The following PDZRN3 variants were observed in gnomAD, a reference collection of about 807,000 sequenced individuals.
PDZRN3 encodes PDZ domain containing ring finger 3.
PDZRN3 carries 38 observed loss-of-function variants against 85.7 expected under a neutral mutation model. The ratio of observed to expected loss-of-function variants is 0.44; its 90% confidence interval spans 0.34 to 0.58. PDZRN3 has a LOEUF of 0.58. PDZRN3 is among the 20% of genes least tolerant of loss of function. The probability of loss-of-function intolerance (pLI) is 0.01; values close to 1 mark genes in which losing one functional copy is unlikely to be tolerated. For synonymous variants in PDZRN3, 759 were observed against 638.0 expected, an observed-to-expected ratio of 1.19 and a Z score of -2.86; for missense variants, 1,629 against 1,506.4, an observed-to-expected ratio of 1.08 and a Z score of -1.35.
At chr3:73,499,003 G>T (rs975441907) in intron 3 of PDZRN3, among the ~76,000 whole-genome samples, 1 of 152,140 alleles carries the variant, frequency 6.6e-6, no homozygotes, top group Non-Finnish European at 1.5e-5. Flanking sequence ...CCCAGCATAG[G>T]CAGAAACCAG....
intron 3 of PDZRN3, among the ~76,000 whole-genome samples, chr3:73,464,287 G>C: frequency 6.6e-6 from 1 of 152,034 alleles, no homozygotes; most frequent in East Asian, 1.9e-4. Flanking sequence ...GCCTGGCCCT[G>C]TGTATTCTTT....
chr3:73,484,416 A>AG (rs1309100795), intron 3 of PDZRN3, among the ~76,000 whole-genome samples: 1 of 151,900 alleles, frequency 6.6e-6, no homozygotes, highest in African/African-American at 2.4e-5. Flanking sequence ...TTTCCAATGG[A>AG]GGGGGGTGGT....
intron 3 of PDZRN3, among the ~76,000 whole-genome samples, chr3:73,566,754 A>C (rs1019554626): frequency 6.6e-6 from 1 of 152,210 alleles, no homozygotes; most frequent in African/African-American, 2.4e-5. Context: ...AGCCTGTTCT[A>C]GAGCTTCTTG....
chr3:73,504,529 C>T (rs1341877900), intron 3 of PDZRN3, among the ~76,000 whole-genome samples: 1 of 152,182 alleles, frequency 6.6e-6, no homozygotes, highest in Non-Finnish European at 1.5e-5. Flanking sequence ...CACCAGTGGA[C>T]TCAATTCGGC....
chr3:73,488,896 T>G (rs868247811), intron 3 of PDZRN3, among the ~76,000 whole-genome samples: 1 of 152,242 alleles, frequency 6.6e-6, no homozygotes, highest in Non-Finnish European at 1.5e-5. Context: ...CTGATTTCCA[T>G]CCTTGGTGGG....
intron 3 of PDZRN3, among the ~76,000 whole-genome samples, chr3:73,598,651 A>G (rs1169037718): frequency 2.6e-5 from 4 of 152,196 alleles, no homozygotes; most frequent in African/African-American, 9.6e-5. Flanking sequence ...CTGGAAGGGC[A>G]CTTCATCTAA....
At chr3:73,495,136 A>T (rs1472056355) in intron 3 of PDZRN3, among the ~76,000 whole-genome samples, 2 of 152,210 alleles carry the variant, frequency 1.3e-5, no homozygotes, top group Admixed American at 1.3e-4. Flanking sequence ...TGCCCATGTA[A>T]CAATCACTTT....
intron 3 of PDZRN3, among the ~76,000 whole-genome samples, chr3:73,440,500 G>A (rs148249659): frequency 1.8e-4 from 28 of 152,324 alleles, no homozygotes; most frequent in African/African-American, 6.7e-4. Context: ...CCCAAGCTGA[G>A]GGGCCTGAGG....
intron 3 of PDZRN3, among the ~76,000 whole-genome samples, chr3:73,450,950 C>T (rs796785985): frequency 2.4e-4 from 37 of 152,008 alleles, no homozygotes; most frequent in African/African-American, 8.4e-4. Flanking sequence ...AAAGCTGGCA[C>T]ATCTCAAATT....
At chr3:73,410,472 A>C (rs1414129002) in intron 3 of PDZRN3, among the ~76,000 whole-genome samples, 1 of 152,202 alleles carries the variant, frequency 6.6e-6, no homozygotes, top group Non-Finnish European at 1.5e-5. Flanking sequence ...CAGTTTGTCC[A>C]TGGTATTTTC....
chr3:73,457,741 C>T (rs1703015704), intron 3 of PDZRN3, among the ~76,000 whole-genome samples: 1 of 152,108 alleles, frequency 6.6e-6, no homozygotes, highest in Non-Finnish European at 1.5e-5. Flanking sequence ...GATTCTGAGA[C>T]CTCAACGAAT....
chr3:73,603,703 T>C (rs1185600561), intron 2 of PDZRN3, among the ~76,000 whole-genome samples: 1 of 152,114 alleles, frequency 6.6e-6, no homozygotes, highest in Non-Finnish European at 1.5e-5. Flanking sequence ...ATTTTCCACT[T>C]TAAACAGCAA....
chr3:73,590,789 T>C (rs1021112009), intron 3 of PDZRN3, among the ~76,000 whole-genome samples: 2 of 152,218 alleles, frequency 1.3e-5, no homozygotes, highest in African/African-American at 2.4e-5. Context: ...TACAAGCACA[T>C]TGACTTTTTC....
rs1702237642 is a variant in PDZRN3, at chr3:73,583,959, T to A, written c.918+18395A>T. Reference sequence around the variant, plus strand: ...ATTAAATGAAAATGGCATTTTAGTTTCCTTAAATAAGGTCTAAATGATGTC... The same window carrying A: ...ATTAAATGAAAATGGCATTTTAGTTACCTTAAATAAGGTCTAAATGATGTC... On this transcript the variant is annotated intron_variant, in intron 3 of 9. Coordinates refer to ENST00000263666, the MANE Select transcript of PDZRN3 (RefSeq NM_015009.3). Among the ~76,000 whole-genome samples the A allele has an allele frequency of 2.0e-5, 3 of 152,170 alleles. No individual in the cohort carries two copies. The South Asian group carries it at 6.2e-4, about 32-fold the overall frequency.
intron 3 of PDZRN3, among the ~76,000 whole-genome samples, chr3:73,491,019 T>G (rs988771120): frequency 5.3e-5 from 8 of 152,094 alleles, no homozygotes; most frequent in South Asian, 2.1e-4. Context: ...AAGTTCAGGG[T>G]CAGTTCAGCT....
intron 3 of PDZRN3, among the ~76,000 whole-genome samples, chr3:73,548,664 G>A (rs1478772138): frequency 6.6e-6 from 1 of 152,226 alleles, no homozygotes; most frequent in Non-Finnish European, 1.5e-5. Context: ...AAAGAAGCTA[G>A]TAGTAAATGA....
chr3:73,450,771 C>G (rs1222353257), intron 3 of PDZRN3, among the ~76,000 whole-genome samples: 1 of 152,146 alleles, frequency 6.6e-6, no homozygotes. Context: ...TCACACCTGC[C>G]TTTGAAAGAT....
At chr3:73,470,226 A>T (rs537536749) in intron 3 of PDZRN3, among the ~76,000 whole-genome samples, 1 of 152,110 alleles carries the variant, frequency 6.6e-6, no homozygotes, top group East Asian at 2.0e-4. Flanking sequence ...ATAATTTAAA[A>T]GAAGCATTTT....
chr3:73,551,625 G>A (rs1014492701), intron 3 of PDZRN3, among the ~76,000 whole-genome samples: 1 of 149,312 alleles, frequency 6.7e-6, no homozygotes, highest in East Asian at 2.0e-4. Context: ...GGACGTCAAG[G>A]CTGCAGCGAA....
Sources: gnomAD v4.1 joint callset for allele counts (sites outside exome capture counted in the v4.1 genomes callset) on GRCh38, gnomAD v4.1.1 for gene constraint, MANE v1.5 for transcripts, NCBI Gene and HGNC (gene_info 2026-07-23, HGNC 2026-07-21) for gene names.